Variants in IDUA observed in about 807,000 individuals in gnomAD.
IDUA encodes alpha-L-iduronidase.
In IDUA, 65 loss-of-function variants were observed where a neutral mutation model predicts 68.9. The observed-to-expected ratio is 0.94, with a 90% CI of 0.77 to 1.16. The LOEUF (loss-of-function observed/expected upper bound fraction) is 1.16. Ranked by LOEUF, IDUA falls within the 50% of genes most tolerant of loss-of-function variation. The probability of loss-of-function intolerance (pLI) is 0.00; values close to 1 mark genes in which losing one functional copy is unlikely to be tolerated. For synonymous variants in IDUA, 529 were observed against 433.6 expected (o/e 1.22, Z -2.73); for missense variants, 1,046 against 938.0 (o/e 1.12, Z -1.50).
intron 3 of IDUA, 49 bp from the exon 4 acceptor site, chr4:1,000,833 C>T: frequency 6.5e-7 from 1 of 1,536,560 alleles, no homozygotes; most frequent in Non-Finnish European, 9.0e-7. Flanking sequence ...CCTGGCAGAG[C>T]ATGGGTGTGG....
At chr4:987,288 G>T in intron 1 of IDUA, 46 bp downstream of exon 1, 1 of 1,491,072 alleles carries the variant, frequency 6.7e-7, no homozygotes, top group East Asian at 2.7e-5. Context: ...CACGGGGAGA[G>T]CTCGGGCGCC....
At chr4:987,519 G>T (rs913419680) in intron 1 of IDUA, 29 of 913,942 alleles carry the variant, frequency 3.2e-5, no homozygotes, top group South Asian at 7.4e-5. Flanking sequence ...GCCCTGCAGC[G>T]GGACCTGGCC....
Position 987,230 on chromosome 4 carries a change from G to A in IDUA, c.146G>A (p.Ser49Asn). 6.6e-7 allele frequency: 1 copy of A among 1,509,202 alleles called. No individual in the cohort carries two copies. Among genetic ancestry groups the A allele is most frequent in the South Asian group, 1.2e-5 (1 of 81,356 alleles). The allele number at this position is 1,509,202 out of a possible 1,614,324, so 93.5% of individuals were successfully genotyped here. Residue 49 changes from serine (S) to asparagine (N), a missense_variant, in exon 1 of 14, where the codon AGC (serine) becomes AAC (asparagine). Ser to Asn is a conservative substitution (Grantham distance 46, BLOSUM62 1). Transcript: ENST00000514224. ...TGGCCCCTGCGGCGCTTCTGGAGGA[G>A]CACAGGCTTCTGGTGAGCGCTCCGC... ...ALWPLRRFWR[S>N]TGFCPPLPHS...
intron 2 of IDUA, chr4:988,945 T>C (rs1297323654): frequency 1.3e-6 from 2 of 1,596,702 alleles, no homozygotes; most frequent in Non-Finnish European, 8.5e-7. Context: ...CCCGGGGCCC[T>C]CCCCGAGGAA....
chr4:991,961 C>T (rs1056265478), intron 2 of IDUA: 3 of 782,650 alleles, frequency 3.8e-6, no homozygotes, highest in Non-Finnish European at 6.5e-6. Flanking sequence ...ATTACGACAC[C>T]AAGCCCATGC....
chr4:1,002,725 C>T lies in IDUA; in HGVS notation c.1190-7C>T, dbSNP rs1715175188. ...CCACGCGGCGACGGCCCCCCCCCGC[C>T]CCGCAGATGAGGAGCAGCTCTGGGC... On this transcript the variant is annotated splice_region_variant and splice_polypyrimidine_tract_variant and intron_variant, in intron 8 of 13. Coordinates refer to ENST00000514224, the MANE Select transcript of IDUA (RefSeq NM_000203.5). The T allele has an allele frequency of 7.5e-6, 11 of 1,471,038 alleles. No individual in the cohort carries two copies. The Admixed American group carries it at 2.2e-4, about 29-fold the overall frequency. The allele number at this position is 1,471,038 out of a possible 1,614,324, so 91.1% of individuals were successfully genotyped here. A position where few individuals can be genotyped will look rare whatever the true frequency, so the allele number is the denominator to read the frequency against.
intron 2 of IDUA, chr4:992,735 C>T (rs1203447716): frequency 1.9e-5 from 3 of 154,838 alleles, no homozygotes; most frequent in Non-Finnish European, 2.9e-5. Context: ...CCCTTGATCT[C>T]GGAAAACACC....
chr4:987,980 G>C (rs766105709), intron 2 of IDUA, 31 bp downstream of exon 2: 195 of 1,547,794 alleles, frequency 1.3e-4, no homozygotes, highest in Non-Finnish European at 1.6e-4. Flanking sequence ...GGGCGTCCCA[G>C]AGCCCCTTAC....
chr4:989,242 G>C (rs746206691), intron 2 of IDUA: 49 of 1,612,558 alleles, frequency 3.0e-5, no homozygotes, highest in Non-Finnish European at 4.1e-5. Flanking sequence ...CATGCACCCT[G>C]CGTCCAGCCC....
intron 2 of IDUA, chr4:990,394 G>T (rs185729198): frequency 5.8e-6 from 9 of 1,541,186 alleles, no homozygotes; most frequent in Non-Finnish European, 7.9e-6. Flanking sequence ...GCCAGCAGGC[G>T]CCTGGCGGGA....
rs1031564096 is a variant in IDUA, at chr4:1,002,083, C to T, written c.894C>T (p.Asp298=). 8.2e-6 allele frequency: 13 copies of T among 1,581,938 alleles called. No individual in the cohort carries two copies. The African/African-American group carries it at 1.1e-4, about 13-fold the overall frequency. The change falls in exon 7 of 14, where the codon GAC becomes GAT. Residue 298 remains aspartate, a synonymous_variant. Coordinates refer to ENST00000514224, the MANE Select transcript of IDUA (RefSeq NM_000203.5). Reference sequence around the variant, plus strand: ...TCGCGGACACCCCCATTTACAACGACGAGGCGGACCCGCTGGTGGGCTGGT... The same window carrying T: ...TCGCGGACACCCCCATTTACAACGATGAGGCGGACCCGCTGGTGGGCTGGT... ...PKFADTPIYN[D]EADPLVGWSL...
At chr4:1,002,987 C>T (rs771174279) in intron 9 of IDUA, 43 bp downstream of exon 9, 6 of 1,413,862 alleles carry the variant, frequency 4.2e-6, no homozygotes, top group Non-Finnish European at 4.6e-6. Flanking sequence ...CGCTGGGGCT[C>T]TGGAGGGGGC....
At chr4:1,002,186 G>T (rs1331802815) in intron 7 of IDUA, 25 bp downstream of exon 7, 4 of 1,559,854 alleles carry the variant, frequency 2.6e-6, no homozygotes, top group Middle Eastern at 3.3e-4. Flanking sequence ...CGCCCTGCGC[G>T]CCCCCCGGCC....
chr4:992,552 C>T (rs967187973), intron 2 of IDUA, among the ~76,000 whole-genome samples: 7 of 152,298 alleles, frequency 4.6e-5, no homozygotes, highest in African/African-American at 1.7e-4. Flanking sequence ...GGGTGACTGG[C>T]GTCTGTCTCC....
rs778482338 is a variant in IDUA, at chr4:990,229, G to A, written c.299+2280G>A. On this transcript the variant is annotated intron_variant, in intron 2 of 13. Transcript: ENST00000514224. ...CACCATGCCGGGCCCCTGGTGCCGC[G>A]GGATCCGCACGCCCAGCAGGTGTTT... The A allele has an allele frequency of 3.3e-5, 52 of 1,574,172 alleles. No homozygotes were observed. The highest frequency in any genetic ancestry group is 3.3e-4 in the Middle Eastern group (2 of 6,006).
At position 996,005 on chromosome 4, in the gene IDUA, T is replaced by G. The variant is rs373391025; in HGVS notation, c.300-4607T>G. Among the ~76,000 whole-genome samples the G allele has an allele frequency of 1.3e-4, 20 of 152,000 alleles. No individual in the cohort carries two copies. The East Asian group carries it at 3.3e-3, about 25-fold the overall frequency. ...GGGTCTCGTACCCCTGAGTGTGAGATTCGGGCAGAGCTGAACAGGCTCCAG... is the reference window on the plus strand; with the variant it reads ...GGGTCTCGTACCCCTGAGTGTGAGAGTCGGGCAGAGCTGAACAGGCTCCAG... On this transcript the variant is annotated intron_variant, in intron 2 of 13. Coordinates refer to ENST00000514224, the MANE Select transcript of IDUA (RefSeq NM_000203.5).
At chr4:992,389 A>C (rs1714436375) in intron 2 of IDUA, among the ~76,000 whole-genome samples, 1 of 152,070 alleles carries the variant, frequency 6.6e-6, no homozygotes, top group African/African-American at 2.4e-5. Context: ...GAGGCCTCCT[A>C]TGTCCCTGCC....
At chr4:999,028 CT>C (rs1404741219) in intron 2 of IDUA, among the ~76,000 whole-genome samples, 1 of 151,966 alleles carries the variant, frequency 6.6e-6, no homozygotes, top group South Asian at 2.1e-4. Flanking sequence ...CATGGTGAAA[CT>C]CCGTCTCTAC....
chr4:1,003,909 G>T (rs1715282291), intron 12 of IDUA, 103 bp from the exon 13 acceptor site: 10 of 1,015,388 alleles, frequency 9.8e-6, no homozygotes, highest in Admixed American at 1.7e-5. Flanking sequence ...CCGCCGAGGG[G>T]CTTGAGGGAA....
Sources: allele counts gnomAD v4.1 joint callset (sites outside exome capture counted in the v4.1 genomes callset), GRCh38; gene constraint gnomAD v4.1.1; transcripts MANE v1.5; gene names NCBI Gene and HGNC (gene_info 2026-07-23, HGNC 2026-07-21).